Variants in YIPF7 observed in about 807,000 individuals in gnomAD.
The protein encoded by YIPF7 is Yip1 domain family member 7, also known as protein YIPF7.
YIPF7 carries 35 observed loss-of-function variants against 27.2 expected under a neutral mutation model. That is an observed-to-expected ratio of 1.29 (90% confidence interval 0.98 to 1.70). The LOEUF is 1.70. Among genes scored for constraint, YIPF7 ranks in the 40% most tolerant of loss-of-function variants. The probability of loss-of-function intolerance (pLI) is 0.00; values close to 1 mark genes in which losing one functional copy is unlikely to be tolerated. For missense variants in YIPF7, 358 were observed against 303.7 expected, an observed-to-expected ratio of 1.18 and a Z score of -1.33; for synonymous variants, 137 against 110.4, an observed-to-expected ratio of 1.24 and a Z score of -1.51.
At chr4:44,650,487 A>G (rs1036326976) in intron 1 of YIPF7, among the ~76,000 whole-genome samples, 9 of 123,012 alleles carry the variant, frequency 7.3e-5, no homozygotes, top group African/African-American at 2.8e-4. Context: ...AAGCAGGCGC[A>G]CACACATGCG....
In YIPF7 at chr4:44,622,166, G is replaced by T; in HGVS notation, c.*248C>A. The T allele has an allele frequency of 2.1e-6, 1 of 480,380 alleles. No individual in the cohort carries two copies. The highest frequency in any genetic ancestry group is 3.7e-6 in the Non-Finnish European group (1 of 268,534). The allele number at this position is 480,380 out of a possible 1,614,324, so 29.8% of individuals were successfully genotyped here. A position where few individuals can be genotyped will look rare whatever the true frequency, so the allele number is the denominator to read the frequency against. ...CTATTGAGAAAAGCAGGGTTGATCA[G>T]TACAGCAACTGTATCCCTTTTGATT... On this transcript the variant is annotated 3_prime_UTR_variant, in exon 6 of 6. Coordinates refer to ENST00000415895, the MANE Select transcript of YIPF7 (RefSeq NM_182592.3).
In YIPF7 at chr4:44,622,132, G is replaced by T; in HGVS notation, c.*282C>A. On this transcript the variant is annotated 3_prime_UTR_variant, in exon 6 of 6. Transcript: ENST00000415895. ...TGAGTTTATTTACTTACTTTTCTCA[G>T]AAATACCTCTATTGAGAAAAGCAGG... 3.2e-6 allele frequency: 1 copy of T among 312,486 alleles called. No homozygotes were observed. The allele number at this position is 312,486 out of a possible 1,614,324, so 19.4% of individuals were successfully genotyped here.
chr4:44,650,143 T>A, intron 1 of YIPF7, 42 bp from the exon 2 acceptor site: 1 of 1,176,686 alleles, frequency 8.5e-7, no homozygotes, highest in Non-Finnish European at 1.2e-6. Flanking sequence ...CATGAGTCAA[T>A]AAAACTTAGT....
chr4:44,656,339 T>A (rs561809208), upstream of YIPF7, among the ~76,000 whole-genome samples: 62 of 152,172 alleles, frequency 4.1e-4, no homozygotes, highest in Non-Finnish European at 7.8e-4. Flanking sequence ...ATCACATAGA[T>A]CCTTAGTTCC....
chr4:44,639,208 T>A (rs1335625959), intron 2 of YIPF7, among the ~76,000 whole-genome samples: 1 of 152,148 alleles, frequency 6.6e-6, no homozygotes, highest in Non-Finnish European at 1.5e-5. Context: ...TTAGGATAGT[T>A]TTTTTCTAAT....
chr4:44,638,735 C>A (rs1336398953), intron 2 of YIPF7, among the ~76,000 whole-genome samples: 3 of 152,150 alleles, frequency 2.0e-5, no homozygotes, highest in Non-Finnish European at 4.4e-5. Flanking sequence ...GTTTCCTATG[C>A]TTTTGAGGTC....
chr4:44,636,297 C>T (rs1713118500), intron 2 of YIPF7, among the ~76,000 whole-genome samples: 1 of 152,140 alleles, frequency 6.6e-6, no homozygotes, highest in Non-Finnish European at 1.5e-5. Flanking sequence ...CGCCAATAAA[C>T]ATTAATTGAG....
intron 2 of YIPF7, among the ~76,000 whole-genome samples, chr4:44,642,900 TA>T (rs2109592945): frequency 6.6e-6 from 1 of 152,308 alleles, no homozygotes; most frequent in African/African-American, 2.4e-5. Flanking sequence ...CTTTTCTTTA[TA>T]AATTATCCAG....
chr4:44,653,262 G>C (rs1713789586), upstream of YIPF7, among the ~76,000 whole-genome samples: 1 of 152,202 alleles, frequency 6.6e-6, no homozygotes, highest in Non-Finnish European at 1.5e-5. Context: ...GAGCCTGTAG[G>C]CCGTGGTAAA....
chr4:44,651,502 A>T, intron 1 of YIPF7, 52 bp downstream of exon 1: 3 of 1,313,204 alleles, frequency 2.3e-6, no homozygotes, highest in Non-Finnish European at 1.0e-6. Context: ...TACATAACCG[A>T]GCTTTGTATT....
Position 44,649,499 on chromosome 4 carries a change from G to A in YIPF7, c.116+486C>T, listed in dbSNP as rs1041493567. On this transcript the variant is annotated intron_variant, in intron 2 of 5. Transcript: ENST00000415895. ...AAACAAGAACAATACAGCTCAGTGC[G>A]GTTGTTAATGCTTATAATCCAAACA... Among the ~76,000 whole-genome samples the A allele has an allele frequency of 1.4e-3, 219 of 152,222 alleles. 3 individuals carry two copies. The highest frequency in any genetic ancestry group is 4.6e-3 in the African/African-American group (190 of 41,544).
intron 2 of YIPF7, among the ~76,000 whole-genome samples, chr4:44,647,133 T>C (rs1713555575): frequency 6.6e-6 from 1 of 152,196 alleles, no homozygotes; most frequent in East Asian, 1.9e-4. Flanking sequence ...GACTTAGATT[T>C]AAATGCTAAG....
At chr4:44,661,993 T>G (rs1231639605) in intron 1 of YIPF7, among the ~76,000 whole-genome samples, 1 of 152,226 alleles carries the variant, frequency 6.6e-6, no homozygotes, top group Non-Finnish European at 1.5e-5. Flanking sequence ...TCTTTCTTTC[T>G]TGTTTGTTTC....
chr4:44,629,494 G>A lies in YIPF7; in HGVS notation c.335C>T (p.Pro112Leu). 7 of 1,587,690 alleles carry A rather than the reference G, an allele frequency of 4.4e-6. No individual in the cohort carries two copies. Among genetic ancestry groups the A allele is most frequent in the African/African-American group, 1.3e-5 (1 of 74,442 alleles). The change falls in exon 4 of 6, where the codon CCA becomes CTA. Residue 112 changes from proline to leucine, a missense_variant. Transcript: ENST00000415895. Reference sequence around the variant, plus strand: ...AATGCTGCCATCTACTGGCTTCATTGGGTTTAACACTGTCAAAGTTTTTTG... The same window carrying A: ...AATGCTGCCATCTACTGGCTTCATTAGGTTTAACACTGTCAAAGTTTTTTG... ...IWQKTLTVLNPMKPVDGSIMN... is the reference protein window; with the variant it reads ...IWQKTLTVLNLMKPVDGSIMN...
intron 4 of YIPF7, among the ~76,000 whole-genome samples, chr4:44,626,832 G>T (rs1712663887): frequency 7.4e-6 from 1 of 134,932 alleles, no homozygotes; most frequent in South Asian, 2.4e-4. Context: ...CCGGAGGGCA[G>T]TGGTGCTAAC....
chr4:44,646,352 A>G (rs961828910), intron 2 of YIPF7, among the ~76,000 whole-genome samples: 8 of 152,182 alleles, frequency 5.3e-5, no homozygotes, highest in African/African-American at 1.9e-4. Context: ...TGGTTGGTCT[A>G]GCTGGGTACA....
At chr4:44,642,970 G>C (rs1661977092) in intron 2 of YIPF7, among the ~76,000 whole-genome samples, 1 of 152,156 alleles carries the variant, frequency 6.6e-6, no homozygotes, top group African/African-American at 2.4e-5. Context: ...TTGGTACTGA[G>C]GAGTGGGGGC....
intron 5 of YIPF7, 52 bp downstream of exon 5, chr4:44,624,549 A>C (rs2109574313): frequency 6.8e-7 from 1 of 1,469,138 alleles, no homozygotes; most frequent in Non-Finnish European, 9.0e-7. Context: ...GCTGTGGCAA[A>C]CCTTGGCTAT....
At chr4:44,646,423 T>C (rs1335713258) in intron 2 of YIPF7, among the ~76,000 whole-genome samples, 1 of 152,194 alleles carries the variant, frequency 6.6e-6, no homozygotes, top group Non-Finnish European at 1.5e-5. Context: ...TCAGAAAAGA[T>C]GATGATTCAA....
Sources: gnomAD v4.1 joint callset for allele counts (sites outside exome capture counted in the v4.1 genomes callset) on GRCh38, gnomAD v4.1.1 for gene constraint, MANE v1.5 for transcripts, NCBI Gene and HGNC (gene_info 2026-07-23, HGNC 2026-07-21) for gene names.